The following PLEKHG1 variants were observed in gnomAD, a reference collection of about 807,000 sequenced individuals.
The protein encoded by PLEKHG1 is pleckstrin homology domain-containing family G member 1.
In PLEKHG1, 44 loss-of-function variants were observed where a neutral mutation model predicts 100.8. The ratio of observed to expected loss-of-function variants is 0.44; its 90% CI spans 0.34 to 0.56. The LOEUF (loss-of-function observed/expected upper bound fraction) is 0.56. Among genes scored for constraint, PLEKHG1 ranks in the 20% least tolerant of loss-of-function variants. The probability of loss-of-function intolerance (pLI) is 0.01; values close to 1 mark genes in which losing one functional copy is unlikely to be tolerated. For synonymous variants in PLEKHG1, 640 were observed against 662.5 expected (o/e 0.97, Z 0.52); for missense variants, 1,545 against 1,720.9 (o/e 0.90, Z 1.81).
intron 3 of PLEKHG1, among the ~76,000 whole-genome samples, chr6:150,785,073 G>C (rs1785542578): frequency 6.6e-6 from 1 of 151,170 alleles, no homozygotes. Context: ...CTTAGAACTA[G>C]TTGAGAAGAC....
chr6:150,813,262 G>A (rs996267057), intron 10 of PLEKHG1, among the ~76,000 whole-genome samples: 1 of 146,676 alleles, frequency 6.8e-6, no homozygotes, highest in Admixed American at 7.0e-5. Flanking sequence ...CCGAGATCAC[G>A]CCACTGCACT....
chr6:150,778,770 C>CCT (rs1399442507), intron 3 of PLEKHG1, among the ~76,000 whole-genome samples: 1 of 152,184 alleles, frequency 6.6e-6, no homozygotes, highest in Non-Finnish European at 1.5e-5. Flanking sequence ...GGAACAGCTT[C>CCT]ATGGGGATGA....
intron 3 of PLEKHG1, among the ~76,000 whole-genome samples, chr6:150,698,690 G>A (rs950173522): frequency 2.5e-4 from 38 of 152,328 alleles, no homozygotes; most frequent in African/African-American, 8.7e-4. Context: ...CTCTCCTTGT[G>A]TGTTCTTTTC....
chr6:150,705,461 G>C (rs1228102151), intron 3 of PLEKHG1, among the ~76,000 whole-genome samples: 2 of 152,234 alleles, frequency 1.3e-5, no homozygotes, highest in Non-Finnish European at 2.9e-5. Flanking sequence ...GGGACCGCCT[G>C]TCCCACTCAA....
intron 15 of PLEKHG1, among the ~76,000 whole-genome samples, chr6:150,837,493 A>G (rs1777291319): frequency 6.6e-6 from 1 of 152,268 alleles, no homozygotes. Flanking sequence ...TGTTCTTACA[A>G]GACTTAATGG....
At chr6:150,673,130 G>T (rs911350925) in intron 3 of PLEKHG1, among the ~76,000 whole-genome samples, 2 of 152,068 alleles carry the variant, frequency 1.3e-5, no homozygotes, top group African/African-American at 4.8e-5. Context: ...TTAGGTCTGG[G>T]AATAGAATTT....
chr6:150,760,468 A>G (rs989425859), intron 2 of PLEKHG1, among the ~76,000 whole-genome samples: 1 of 152,180 alleles, frequency 6.6e-6, no homozygotes, highest in African/African-American at 2.4e-5. Context: ...ACTTGCTTCA[A>G]ATTTCTATCT....
intron 1 of PLEKHG1, among the ~76,000 whole-genome samples, chr6:150,730,354 G>A (rs1274061544): frequency 6.9e-6 from 1 of 145,052 alleles, no homozygotes; most frequent in Non-Finnish European, 1.5e-5. Flanking sequence ...GGGTGGGGGA[G>A]TGGGGATGCT....
At chr6:150,618,197 C>T (rs1394959821) in intron 1 of PLEKHG1, among the ~76,000 whole-genome samples, 1 of 152,100 alleles carries the variant, frequency 6.6e-6, no homozygotes, top group African/African-American at 2.4e-5. Flanking sequence ...TTGATATTTT[C>T]TTTTACATTA....
chr6:150,830,274 A>G (rs893064057), intron 14 of PLEKHG1, among the ~76,000 whole-genome samples: 6 of 152,206 alleles, frequency 3.9e-5, no homozygotes, highest in African/African-American at 1.2e-4. Flanking sequence ...GTTTCTAAGT[A>G]TATATTAGTT....
intron 1 of PLEKHG1, among the ~76,000 whole-genome samples, chr6:150,606,802 T>TGGCACTCAGC (rs1331237953): frequency 2.0e-5 from 3 of 152,156 alleles, no homozygotes; most frequent in Non-Finnish European, 4.4e-5. Flanking sequence ...CCCAAGCCCC[T>TGGCACTCAGC]GGCACTCAGC....
At chr6:150,828,943 A>G (rs997150932) in intron 14 of PLEKHG1, among the ~76,000 whole-genome samples, 8 of 152,178 alleles carry the variant, frequency 5.3e-5, no homozygotes, top group East Asian at 1.9e-4. Context: ...TTGTGTGTGT[A>G]TGTATGTGTG....
At chr6:150,838,159 A>G (rs1038038130) in intron 15 of PLEKHG1, among the ~76,000 whole-genome samples, 2 of 152,260 alleles carry the variant, frequency 1.3e-5, no homozygotes, top group African/African-American at 4.8e-5. Context: ...TAATTTACTG[A>G]TAACACATCA....
At chr6:150,617,770 C>A (rs576805143) in intron 1 of PLEKHG1, among the ~76,000 whole-genome samples, 1 of 152,206 alleles carries the variant, frequency 6.6e-6, no homozygotes, top group Admixed American at 6.5e-5. Flanking sequence ...GATTTCCTTC[C>A]ATTCTTTGAG....
chr6:150,812,695 G>A (rs73783121), intron 10 of PLEKHG1, among the ~76,000 whole-genome samples: 2,965 of 152,234 alleles, frequency 0.019, 82 homozygotes, highest in African/African-American at 0.067. Context: ...CGTCTGGCTC[G>A]AATGCCGAGT....
intron 1 of PLEKHG1, among the ~76,000 whole-genome samples, chr6:150,722,304 G>A (rs1006159816): frequency 4.1e-5 from 6 of 146,620 alleles, no homozygotes; most frequent in East Asian, 4.0e-4. Flanking sequence ...TCTGTTACTA[G>A]TCACTTTAAT....
intron 1 of PLEKHG1, among the ~76,000 whole-genome samples, chr6:150,622,686 C>G (rs1407549403): frequency 2.0e-5 from 3 of 152,182 alleles, no homozygotes; most frequent in Non-Finnish European, 4.4e-5. Flanking sequence ...TGTTCAAGGA[C>G]AAGTTACTTC....
At chr6:150,617,477 C>T (rs1250279187) in intron 1 of PLEKHG1, among the ~76,000 whole-genome samples, 1 of 152,222 alleles carries the variant, frequency 6.6e-6, no homozygotes, top group South Asian at 2.1e-4. Flanking sequence ...TCCACTTGTA[C>T]TTTTAAATGT....
At chr6:150,764,426 C>T (rs1784353516) in intron 2 of PLEKHG1, among the ~76,000 whole-genome samples, 1 of 152,030 alleles carries the variant, frequency 6.6e-6, no homozygotes, top group African/African-American at 2.4e-5. Context: ...GCCCTGTTTT[C>T]TTTATTGATG....
Sources: allele counts gnomAD v4.1 joint callset (sites outside exome capture counted in the v4.1 genomes callset), GRCh38; gene constraint gnomAD v4.1.1; transcripts MANE v1.5; gene names NCBI Gene and HGNC (gene_info 2026-07-23, HGNC 2026-07-21).